ZNF25: variants seen among roughly 807,000 people sequenced by gnomAD.
ZNF25 encodes zinc finger protein 25 (KOX 19).
ZNF25 carries 21 observed loss-of-function variants against 30.9 expected under a neutral mutation model. That is an observed-to-expected ratio of 0.68 (90% CI 0.48 to 0.98). The LOEUF (loss-of-function observed/expected upper bound fraction) is 0.98. Ranked by LOEUF, ZNF25 falls within the 50% of genes least tolerant of loss-of-function variation. ZNF25 has a pLI of 0.00. For missense variants in ZNF25, 501 were observed against 529.9 expected (o/e 0.95, Z 0.54); for synonymous variants, 169 against 181.3 (o/e 0.93, Z 0.55).
chr10:37,952,217 C>T lies in ZNF25; in HGVS notation c.1281G>A (p.Glu427=). 1.2e-6 allele frequency: 2 copies of T among 1,614,026 alleles called. No individual in the cohort carries two copies. The highest frequency in any genetic ancestry group is 1.7e-6 in the Non-Finnish European group (2 of 1,179,946). The change falls in exon 6 of 6, where the codon GAG becomes GAA. Residue 427 remains glutamate (E), a synonymous_variant. Coordinates refer to ENST00000302609, the MANE Select transcript of ZNF25 (RefSeq NM_145011.4). Reference sequence around the variant, plus strand: ...TAAAGGTTTCCCCACACTCCTGACACTCATAGGGCTTCTCCCCTGTGTGTT... The same window carrying T: ...TAAAGGTTTCCCCACACTCCTGACATTCATAGGGCTTCTCCCCTGTGTGTT... ...QRKHTGEKPY[E]CQECGETFIQ... is the part of the protein sequence containing the mutation.
chr10:37,961,544 C>A (rs1168761143), intron 2 of ZNF25, among the ~76,000 whole-genome samples: 1 of 152,036 alleles, frequency 6.6e-6, no homozygotes, highest in Admixed American at 6.6e-5. Flanking sequence ...TAAAAGCATA[C>A]AAACGATGCA....
Position 37,952,251 on chromosome 10 carries a change from T to C in ZNF25, c.1247A>G (p.His416Arg). ...CTTCTCCCCTGTGTGTTTTCTCTGA[T>C]GTATAATAAAATGTGACTTCTGAGA... ...SFSQKSHFII[H>R]QRKHTGEKPY... Residue 416 changes from histidine (H) to arginine (R), a missense_variant, in exon 6 of 6, where the codon CAT becomes CGT. By Grantham distance (29) the His-to-Arg change is conservative. Transcript: ENST00000302609. 6.2e-7 allele frequency: 1 copy of C among 1,614,060 alleles called. No individual in the cohort carries two copies. The highest frequency in any genetic ancestry group is 2.2e-5 in the East Asian group (1 of 44,868).
chr10:37,960,385 C>T (rs1483152447), intron 2 of ZNF25, among the ~76,000 whole-genome samples: 6 of 150,094 alleles, frequency 4.0e-5, no homozygotes, highest in South Asian at 2.1e-4. Flanking sequence ...GAGGCTGAGG[C>T]GGGCGGATCA....
intron 4 of ZNF25, 86 bp downstream of exon 4, chr10:37,956,934 A>AAAGT: frequency 2.1e-6 from 2 of 947,852 alleles, no homozygotes; most frequent in Non-Finnish European, 3.2e-6. Context: ...AAAAAAAAAA[A>AAAGT]GTGAGAGATT....
chr10:37,971,569 ATT>A (rs1408060119), intron 2 of ZNF25, 137 bp downstream of exon 2: 3 of 1,425,424 alleles, frequency 2.1e-6, no homozygotes, highest in Non-Finnish European at 2.8e-6. Flanking sequence ...CCTGTAGGTG[ATT>A]TTTAACTATT....
chr10:37,964,489 C>T (rs10827837), intron 2 of ZNF25, among the ~76,000 whole-genome samples: 4,172 of 152,188 alleles, frequency 0.027, 139 homozygotes, highest in African/African-American at 0.082. Flanking sequence ...TATTGGAAAC[C>T]GGAGTATAGG....
intron 1 of ZNF25, among the ~76,000 whole-genome samples, chr10:37,974,605 C>CA (rs2063693910): frequency 1.3e-5 from 2 of 151,748 alleles, no homozygotes; most frequent in South Asian, 2.1e-4. Context: ...ATAAAAAAGG[C>CA]AAAAAAATAA....
At chr10:37,962,158 T>C (rs978621674) in intron 2 of ZNF25, among the ~76,000 whole-genome samples, 5 of 151,740 alleles carry the variant, frequency 3.3e-5, no homozygotes, top group African/African-American at 9.7e-5. Flanking sequence ...AGAGAATTGC[T>C]TGAATCCAGG....
chr10:37,958,073 T>C lies in ZNF25; in HGVS notation c.16-527A>G, dbSNP rs554068181. Among the ~76,000 whole-genome samples, 5 of 151,712 alleles carry C rather than the reference T, an allele frequency of 3.3e-5. No homozygotes were observed. The South Asian group carries it at 1.0e-3, about 31-fold the overall frequency. ...TTTGCACGATGAAGTCACCTAATGA[T>C]ATGTTTCTCATAACATATCCCTGTC... is the stretch of plus-strand genomic sequence containing the variant. On this transcript the variant is annotated intron_variant, in intron 2 of 5. Transcript: ENST00000302609.
At chr10:37,964,505 C>G (rs1230647092) in intron 2 of ZNF25, among the ~76,000 whole-genome samples, 5 of 152,172 alleles carry the variant, frequency 3.3e-5, no homozygotes, top group Non-Finnish European at 2.9e-5. Context: ...ATAGGTCACC[C>G]ATGTTTTGTC....
At chr10:37,969,622 G>C (rs1247645568) in intron 2 of ZNF25, among the ~76,000 whole-genome samples, 1 of 152,174 alleles carries the variant, frequency 6.6e-6, no homozygotes, top group Non-Finnish European at 1.5e-5. Flanking sequence ...AGAGAGAACA[G>C]GGAATGACTG....
At chr10:37,966,280 G>C (rs1047507857) in intron 2 of ZNF25, among the ~76,000 whole-genome samples, 1 of 152,042 alleles carries the variant, frequency 6.6e-6, no homozygotes, top group Admixed American at 6.6e-5. Context: ...CAGGCATGGT[G>C]GCATGCACCT....
intron 2 of ZNF25, among the ~76,000 whole-genome samples, chr10:37,967,547 A>C (rs1488266347): frequency 6.6e-6 from 1 of 151,842 alleles, no homozygotes; most frequent in Non-Finnish European, 1.5e-5. Context: ...AGTATCTGGG[A>C]CTAAAAGTGC....
At chr10:37,973,596 CA>C (rs143239470) in intron 1 of ZNF25, among the ~76,000 whole-genome samples, 3,420 of 129,958 alleles carry the variant, frequency 0.026, 90 homozygotes, top group Admixed American at 0.092. Context: ...GCCCTTGTCT[CA>C]AAAAAAAAAA....
chr10:37,974,576 A>G (rs1213950848), intron 1 of ZNF25, among the ~76,000 whole-genome samples: 3 of 152,176 alleles, frequency 2.0e-5, no homozygotes, highest in Non-Finnish European at 4.4e-5. Flanking sequence ...ATATCATTTT[A>G]CCCCTTAAAA....
intron 1 of ZNF25, among the ~76,000 whole-genome samples, chr10:37,972,464 T>A (rs2063543301): frequency 6.6e-6 from 1 of 152,158 alleles, no homozygotes; most frequent in African/African-American, 2.4e-5. Context: ...TACTTCTATA[T>A]ATCTTCACCC....
In ZNF25 at chr10:37,952,189, G is replaced by A; in HGVS notation, c.1309C>T (p.Gln437Ter). ...ECQECGETFI[Q>*]KSQLTAHQKT... ...TGATGTGCAGTGAGTTGTGACTTCTGGATAAAGGTTTCCCCACACTCCTGA... is the reference window on the plus strand; with the variant it reads ...TGATGTGCAGTGAGTTGTGACTTCTAGATAAAGGTTTCCCCACACTCCTGA... Residue 437 changes from glutamine (Q) to a stop codon, truncating the protein, a stop_gained, in exon 6 of 6, where the codon CAG becomes TAG. Transcript: ENST00000302609. LOFTEE classifies it low-confidence loss of function (END_TRUNC). 1 of 1,611,602 alleles carries A rather than the reference G, an allele frequency of 6.2e-7. No individual in the cohort carries two copies. The highest frequency in any genetic ancestry group is 8.5e-7 in the Non-Finnish European group (1 of 1,178,860).
Position 37,953,184 on chromosome 10 carries a change from A to G in ZNF25, c.314T>C (p.Leu105Pro), listed in dbSNP as rs1331360114. Residue 105 changes from leucine (L) to proline (P), a missense_variant, in exon 6 of 6, where the codon CTC becomes CCC. Coordinates refer to ENST00000302609, the MANE Select transcript of ZNF25 (RefSeq NM_145011.4). ...GGTATGAGTTTTCTGATGTTTTGTG[A>G]GTTCTCCATTCCTAGACAGAAAGTT... is the stretch of plus-strand genomic sequence containing the variant. ...SQAGNSRNGE[L>P]TKHQKTHTTE... The G allele has an allele frequency of 1.3e-6, 2 of 1,583,208 alleles. No individual in the cohort carries two copies. The highest frequency in any genetic ancestry group is 1.4e-5 in the African/African-American group (1 of 72,800).
chr10:37,954,686 A>G (rs1278938797), intron 4 of ZNF25, among the ~76,000 whole-genome samples: 1 of 152,148 alleles, frequency 6.6e-6, no homozygotes, highest in African/African-American at 2.4e-5. Flanking sequence ...ATTGAACATC[A>G]TTCTAGAATC....
Sources: gnomAD v4.1 joint callset for allele counts (sites outside exome capture counted in the v4.1 genomes callset) on GRCh38, gnomAD v4.1.1 for gene constraint, MANE v1.5 for transcripts, NCBI Gene and HGNC (gene_info 2026-07-23, HGNC 2026-07-21) for gene names.